ZNF292: variants seen among roughly 807,000 people sequenced by gnomAD.
ZNF292 encodes the protein 16 zinc-finger domain protein.
A neutral mutation model predicts 217.9 loss-of-function variants in ZNF292; 26 were observed. The ratio of observed to expected loss-of-function variants is 0.12; its 90% CI spans 0.09 to 0.17. The LOEUF is 0.17. Ranked by LOEUF, ZNF292 falls within the 10% of genes least tolerant of loss-of-function variation. The pLI, the probability that ZNF292 is intolerant of heterozygous loss-of-function variation, is 1.00. For missense variants in ZNF292, 2,904 were observed against 3,175.2 expected (o/e 0.91, Z 2.05); for synonymous variants, 1,257 against 1,124.1 (o/e 1.12, Z -2.37).
intron 6 of ZNF292, among the ~76,000 whole-genome samples, chr6:87,244,326 G>A (rs1038127196): frequency 2.0e-5 from 3 of 152,120 alleles, no homozygotes; most frequent in Non-Finnish European, 2.9e-5. Flanking sequence ...AGAGAGGCTT[G>A]GTGTGAAAGG....
intron 4 of ZNF292, among the ~76,000 whole-genome samples, chr6:87,227,269 G>GT (rs1036723542): frequency 6.6e-6 from 1 of 152,118 alleles, no homozygotes; most frequent in Non-Finnish European, 1.5e-5. Context: ...ACCTGGAGAG[G>GT]TTTTAGATAG....
rs191862007 is a variant in ZNF292 at position 87,232,528 on chromosome 6, C to G, written c.539-797C>G. Among the ~76,000 whole-genome samples the G allele has an allele frequency of 2.6e-3, 392 of 152,100 alleles. 2 individuals are homozygous for G. The highest frequency in any genetic ancestry group is 9.1e-3 in the African/African-American group (376 of 41,532). The stretch of plus-strand genomic sequence containing the variant: ...TCTGGTAAAGAACACTTAGGAAAAA[C>G]TTAAACTTGTTAAAACTTAAATTCT... On this transcript the variant is annotated intron_variant, in intron 4 of 7. Coordinates refer to ENST00000369577, the MANE Select transcript of ZNF292 (RefSeq NM_015021.3).
chr6:87,216,066 A>T lies in ZNF292; in HGVS notation c.323+9A>T. On this transcript the variant is annotated intron_variant, in intron 2 of 7. Transcript: ENST00000369577. ...CTGGAACGCTTGGCATTGTGAGTAG[A>T]CCTTTGAGTAAATAAACTAGATTTA... is the stretch of plus-strand genomic sequence containing the variant. 1 of 1,536,098 alleles carries T rather than the reference A, an allele frequency of 6.5e-7. No individual in the cohort carries two copies. Among genetic ancestry groups the T allele is most frequent in the Non-Finnish European group, 8.7e-7 (1 of 1,146,926 alleles).
At position 87,176,818 on chromosome 6, in the gene ZNF292, C is replaced by T. The variant is rs183516056; in HGVS notation, c.168+21059C>T. Reference sequence around the variant, plus strand: ...CACTCTGGATAGGATTTCCAGGTGTCCATTATTTTTATAGACTTTTAGCCC... The same window carrying T: ...CACTCTGGATAGGATTTCCAGGTGTTCATTATTTTTATAGACTTTTAGCCC... On this transcript the variant is annotated intron_variant, in intron 1 of 7. Transcript: ENST00000369577. 2.4e-4 allele frequency among the ~76,000 whole-genome samples: 36 copies of T among 152,256 alleles called. No homozygotes were observed. In the East Asian group the frequency reaches 6.8e-3, roughly 29 times the overall value.
At chr6:87,247,270 A>AGCAC (rs371878589) in intron 7 of ZNF292, among the ~76,000 whole-genome samples, 129 of 149,992 alleles carry the variant, frequency 8.6e-4, no homozygotes, top group African/African-American at 2.7e-3. Context: ...TGCCACCCGC[A>AGCAC]ACACACACAC....
Position 87,256,356 on chromosome 6 carries a change from G to A in ZNF292, c.2727G>A (p.Glu909=), listed in dbSNP as rs748055927. 4.3e-6 allele frequency: 7 copies of A among 1,611,198 alleles called. No homozygotes were observed. The highest frequency in any genetic ancestry group is 2.2e-5 in the East Asian group (1 of 44,874). ...VTKQDQISAS[E]LRQANGPLSN... is the part of the protein sequence containing the mutation. ...AACAAGACCAGATTTCTGCCTCTGAGCTCAGGCAAGCTAATGGACCATTGT... is the reference window on the plus strand; with the variant it reads ...AACAAGACCAGATTTCTGCCTCTGAACTCAGGCAAGCTAATGGACCATTGT... The change falls in exon 8 of 8, where the codon GAG becomes GAA. Residue 909 remains glutamate, a synonymous_variant. Coordinates refer to ENST00000369577, the MANE Select transcript of ZNF292 (RefSeq NM_015021.3).
chr6:87,203,541 C>G (rs1772157188), intron 1 of ZNF292, among the ~76,000 whole-genome samples: 1 of 151,896 alleles, frequency 6.6e-6, no homozygotes, highest in Non-Finnish European at 1.5e-5. Flanking sequence ...TCTTCCCTTC[C>G]TGAATAATTC....
Position 87,258,463 on chromosome 6 carries a change from C to T in ZNF292, c.4834C>T (p.Pro1612Ser), listed in dbSNP as rs201229326. ...NSSRVSVISG[P>S]QNTRSSHLNK... The stretch of plus-strand genomic sequence containing the variant: ...TTCTCGTGTTTCTGTTATAAGTGGT[C>T]CTCAGAACACAAGATCCAGTCATTT... The change falls in exon 8 of 8, where the codon CCT becomes TCT. Residue 1612 changes from proline to serine, a missense_variant. This residue lies in a region of ZNF292 where 622 missense variants were observed against 573.1 expected (regional missense o/e 1.09). Coordinates refer to ENST00000369577, the MANE Select transcript of ZNF292 (RefSeq NM_015021.3). The T allele has an allele frequency of 3.1e-4, 502 of 1,613,428 alleles. No individual in the cohort carries two copies. Among genetic ancestry groups the T allele is most frequent in the Non-Finnish European group, 4.0e-4 (468 of 1,179,728 alleles).
intron 3 of ZNF292, among the ~76,000 whole-genome samples, chr6:87,217,972 G>A (rs1772872849): frequency 6.6e-6 from 1 of 152,004 alleles, no homozygotes. Context: ...CTAGAACTTT[G>A]TTCATAGAAA....
chr6:87,228,643 A>G (rs994572088), intron 4 of ZNF292, among the ~76,000 whole-genome samples: 1 of 152,166 alleles, frequency 6.6e-6, no homozygotes, highest in Non-Finnish European at 1.5e-5. Flanking sequence ...ATTCTTTTGC[A>G]TTTAGGTATC....
Position 87,155,751 on chromosome 6 carries a change from C to T in ZNF292, c.160C>T (p.Leu54=). ...AGCGGCCACCGACTACTGTCAGCAGCTGTGCCAGGTGAGGGCGCCCGGTGG... is the reference window on the plus strand; with the variant it reads ...AGCGGCCACCGACTACTGTCAGCAGTTGTGCCAGGTGAGGGCGCCCGGTGG... ...VEAATDYCQQ[L]CQTLLEYAEK... The change falls in exon 1 of 8, where the codon CTG becomes TTG. Residue 54 remains leucine (L), a synonymous_variant. Transcript: ENST00000369577. The T allele has an allele frequency of 6.3e-7, 1 of 1,597,144 alleles. No homozygotes were observed. Among genetic ancestry groups the T allele is most frequent in the Non-Finnish European group, 8.5e-7 (1 of 1,172,898 alleles).
chr6:87,258,193 C>G lies in ZNF292; in HGVS notation c.4564C>G (p.Gln1522Glu), dbSNP rs778737060. ...AACAGGTTGTGTCTCTGATGCATCA[C>G]AAGTAAATGCAACGGTGATGCCAAA... is the stretch of plus-strand genomic sequence containing the variant. ...VSTGCVSDAS[Q>E]VNATVMPNPT... is the part of the protein sequence containing the mutation. The change falls in exon 8 of 8, where the codon CAA becomes GAA. Residue 1522 changes from glutamine (Q) to glutamate (E), a missense_variant. By Grantham distance (29) the Gln-to-Glu change is conservative. Around this residue, in one of 15 missense-constraint regions of ZNF292, gnomAD observed 622 missense variants for 573.1 expected, o/e 1.09. Coordinates refer to ENST00000369577, the MANE Select transcript of ZNF292 (RefSeq NM_015021.3). 6.2e-7 allele frequency: 1 copy of G among 1,611,530 alleles called. No homozygotes were observed. The highest frequency in any genetic ancestry group is 8.5e-7 in the Non-Finnish European group (1 of 1,178,940).
chr6:87,233,017 T>C (rs953875055), intron 4 of ZNF292, among the ~76,000 whole-genome samples: 4 of 152,078 alleles, frequency 2.6e-5, no homozygotes, highest in African/African-American at 9.7e-5. Flanking sequence ...GAAAAAAAAT[T>C]AGTGTAATTT....
chr6:87,199,431 C>T (rs955172310), intron 1 of ZNF292, among the ~76,000 whole-genome samples: 2 of 152,092 alleles, frequency 1.3e-5, no homozygotes, highest in Admixed American at 6.5e-5. Context: ...TTTTCTCAGC[C>T]TATGGCTTGG....
chr6:87,238,639 A>AT (rs71018004), intron 5 of ZNF292, among the ~76,000 whole-genome samples: 2 of 136,122 alleles, frequency 1.5e-5, no homozygotes, highest in East Asian at 4.1e-4. Context: ...GTAAGTATTT[A>AT]TTTTTTTTAT....
In ZNF292 at chr6:87,258,760, G is replaced by A. The variant is rs373318393; in HGVS notation, c.5131G>A (p.Glu1711Lys). 6.2e-7 allele frequency: 1 copy of A among 1,613,520 alleles called. No individual in the cohort carries two copies. The change falls in exon 8 of 8, where the codon GAG (glutamate) becomes AAG (lysine). Residue 1711 changes from glutamate to lysine, a missense_variant. Coordinates refer to ENST00000369577, the MANE Select transcript of ZNF292 (RefSeq NM_015021.3). ...DVKENFKTSL[E>K]SHTVLAPLTL... is the part of the protein sequence containing the mutation. ...AAAAGAGAATTTCAAAACCAGTCTT[G>A]AGTCCCATACAGTGTTAGCCCCTTT...
chr6:87,184,470 C>CT (rs35294887), intron 1 of ZNF292, among the ~76,000 whole-genome samples: 21,687 of 114,972 alleles, frequency 0.19, 2,554 homozygotes, highest in African/African-American at 0.34. Flanking sequence ...TTACCATAGG[C>CT]TTTTTTTTTT....
chr6:87,224,832 T>C (rs1376764718), intron 4 of ZNF292, among the ~76,000 whole-genome samples: 1 of 152,194 alleles, frequency 6.6e-6, no homozygotes, highest in Middle Eastern at 3.2e-3. Flanking sequence ...TATAAACATG[T>C]GCATGCAGGT....
chr6:87,247,171 T>TAAA (rs540303408), intron 7 of ZNF292, among the ~76,000 whole-genome samples: 1 of 133,946 alleles, frequency 7.5e-6, no homozygotes, highest in Non-Finnish European at 1.6e-5. Flanking sequence ...GACTTGGTCT[T>TAAA]AAAAAAAAAA....
Sources: gnomAD v4.1 joint callset for allele counts (sites outside exome capture counted in the v4.1 genomes callset) on GRCh38, gnomAD v4.1.1 for gene constraint, gnomAD v4.1.1 regional missense constraint, MANE v1.5 for transcripts, NCBI Gene and HGNC (gene_info 2026-07-23, HGNC 2026-07-21) for gene names.